Variants in SPMAP2L observed in about 807,000 individuals in gnomAD.
SPMAP2L encodes the protein sperm microtubule associated protein 2-like.
At chr4:56,593,657 T>C in the SPMAP2L span, 1 of 1,605,430 alleles carries the variant, frequency 6.2e-7, no homozygotes, top group Non-Finnish European at 8.5e-7. Context: ...CGCAGCATTT[T>C]TTGCCGTCCG....
chr4:56,573,422 G>A, the SPMAP2L span, among the ~76,000 whole-genome samples: 3 of 152,126 alleles, frequency 2.0e-5, no homozygotes, highest in Admixed American at 2.0e-4. Flanking sequence ...AGTAGCAGTT[G>A]TCTCTGGTGT....
the SPMAP2L span, among the ~76,000 whole-genome samples, chr4:56,572,449 A>G: frequency 1.1e-4 from 16 of 152,306 alleles, no homozygotes; most frequent in African/African-American, 3.6e-4. Context: ...CATAGAGAAC[A>G]AGCTGCAAGA....
At chr4:56,549,638 T>C in the SPMAP2L span, among the ~76,000 whole-genome samples, 2,657 of 152,312 alleles carry the variant, frequency 0.017, 79 homozygotes, top group African/African-American at 0.06. Context: ...GCATCCCTAA[T>C]CTGAAAATCT....
chr4:56,555,588 G>C, the SPMAP2L span, among the ~76,000 whole-genome samples: 15 of 152,194 alleles, frequency 9.9e-5, no homozygotes, highest in African/African-American at 3.6e-4. Flanking sequence ...TCCTATCCAT[G>C]AATATTGAAT....
At chr4:56,546,771 T>C in the SPMAP2L span, among the ~76,000 whole-genome samples, 1 of 152,174 alleles carries the variant, frequency 6.6e-6, no homozygotes, top group Non-Finnish European at 1.5e-5. Context: ...CTAACCTGTG[T>C]CAGGTCATAA....
At chr4:56,575,201 A>T in the SPMAP2L span, among the ~76,000 whole-genome samples, 3 of 151,968 alleles carry the variant, frequency 2.0e-5, no homozygotes, top group South Asian at 6.2e-4. Flanking sequence ...GTGAGCCAAG[A>T]TCGCACCACT....
chr4:56,580,552 C>T, the SPMAP2L span, among the ~76,000 whole-genome samples: 2 of 151,912 alleles, frequency 1.3e-5, no homozygotes, highest in African/African-American at 4.8e-5. Flanking sequence ...TTACCCCTGA[C>T]ATCAGGAACA....
At chr4:56,593,049 G>T in the SPMAP2L span, 1 of 1,591,158 alleles carries the variant, frequency 6.3e-7, no homozygotes, top group Non-Finnish European at 8.6e-7. Flanking sequence ...CAGATCTGGA[G>T]ATCCTATATT....
At chr4:56,593,094 C>T in the SPMAP2L span, 153 of 1,578,518 alleles carry the variant, frequency 9.7e-5, no homozygotes, top group Middle Eastern at 8.0e-4. Flanking sequence ...GTGCCACAGA[C>T]GATTTTGCGG....
At chr4:56,582,253 G>A in the SPMAP2L span, among the ~76,000 whole-genome samples, 1 of 152,042 alleles carries the variant, frequency 6.6e-6, no homozygotes, top group African/African-American at 2.4e-5. Context: ...CCAAGAGAGT[G>A]AAAAGACAAC....
the SPMAP2L span, among the ~76,000 whole-genome samples, chr4:56,600,530 G>A: frequency 6.6e-6 from 1 of 152,154 alleles, no homozygotes; most frequent in Non-Finnish European, 1.5e-5. Context: ...CTGACTTCAT[G>A]ATCCACCCGC....
At chr4:56,568,612 C>CTA in the SPMAP2L span, among the ~76,000 whole-genome samples, 2 of 152,160 alleles carry the variant, frequency 1.3e-5, no homozygotes, top group African/African-American at 4.8e-5. Flanking sequence ...GGATCGCCTG[C>CTA]ACTCAGGAGT....
the SPMAP2L span, among the ~76,000 whole-genome samples, chr4:56,536,863 A>G: frequency 6.6e-6 from 1 of 152,096 alleles, no homozygotes; most frequent in Non-Finnish European, 1.5e-5. Context: ...TCCTGGGTTC[A>G]AGCGATTCTC....
At chr4:56,603,336 A>C in the SPMAP2L span, 3 of 1,517,974 alleles carry the variant, frequency 2.0e-6, no homozygotes, top group South Asian at 3.6e-5. Context: ...ACAGAAAGCC[A>C]CAACAGTCAG....
the SPMAP2L span, among the ~76,000 whole-genome samples, chr4:56,597,767 G>A: frequency 3.3e-5 from 5 of 152,148 alleles, no homozygotes; most frequent in African/African-American, 4.8e-5. Context: ...CTTAGAACCC[G>A]AAACAAATCT....
At chr4:56,598,732 G>A in the SPMAP2L span, among the ~76,000 whole-genome samples, 1 of 152,028 alleles carries the variant, frequency 6.6e-6, no homozygotes, top group Non-Finnish European at 1.5e-5. Context: ...GGGGCAGAAG[G>A]CAGATCATGT....
the SPMAP2L span, among the ~76,000 whole-genome samples, chr4:56,596,094 C>T: frequency 6.6e-6 from 1 of 152,148 alleles, no homozygotes; most frequent in Non-Finnish European, 1.5e-5. Flanking sequence ...TGGACTGTGC[C>T]ATCTGTGGGA....
chr4:56,542,856 C>CATCTGGTG, the SPMAP2L span, among the ~76,000 whole-genome samples: 1 of 152,120 alleles, frequency 6.6e-6, no homozygotes, highest in Non-Finnish European at 1.5e-5. Flanking sequence ...ATGGTTTCAA[C>CATCTGGTG]AACCAGTCTT....
the SPMAP2L span, chr4:56,530,938 C>A: frequency 1.2e-5 from 19 of 1,535,258 alleles, no homozygotes; most frequent in Non-Finnish European, 1.7e-5. Context: ...GCCCCACGCT[C>A]CCTATGCGCC....
Sources: allele counts gnomAD v4.1 joint callset (sites outside exome capture counted in the v4.1 genomes callset), GRCh38; gene constraint gnomAD v4.1.1; transcripts MANE v1.5; gene names NCBI Gene and HGNC (gene_info 2026-07-23, HGNC 2026-07-21).